IHO1: variants seen among roughly 807,000 people sequenced by gnomAD.
IHO1 encodes interactor of HORMAD1 protein 1.
In IHO1, 13 loss-of-function variants were observed where a neutral mutation model predicts 31.0. The ratio of observed to expected loss-of-function variants is 0.42; its 90% CI spans 0.27 to 0.67. The LOEUF is 0.67. Ranked by LOEUF, IHO1 falls within the 30% of genes least tolerant of loss-of-function variation. IHO1 has a pLI of 0.24. For missense variants in IHO1, 599 were observed against 687.5 expected (o/e 0.87, Z 1.44); for synonymous variants, 221 against 248.4 (o/e 0.89, Z 1.04).
intron 2 of IHO1, among the ~76,000 whole-genome samples, chr3:49,217,859 G>C (rs1362167348): frequency 1.3e-5 from 2 of 152,186 alleles, no homozygotes; most frequent in African/African-American, 4.8e-5. Flanking sequence ...ATCTAATACT[G>C]GTACTGATCT....
Position 49,211,884 on chromosome 3 carries a change from C to T in IHO1, c.56+48C>T, listed in dbSNP as rs150910340. ...CTGATCCTTAAGAGGATTTTCTGGCCGGGCATGATGGCTCACACCTGTAAT... is the reference window on the plus strand; with the variant it reads ...CTGATCCTTAAGAGGATTTTCTGGCTGGGCATGATGGCTCACACCTGTAAT... On this transcript the variant is annotated intron_variant, in intron 2 of 7. Coordinates refer to ENST00000452691, the MANE Select transcript of IHO1 (RefSeq NM_001135197.2). 893 of 1,109,592 alleles carry T rather than the reference C, an allele frequency of 8.0e-4. 5 individuals carry two copies. In the East Asian group the frequency reaches 0.012, roughly 15 times the overall value. 68.7% of individuals were successfully genotyped at this position (1,109,592 alleles called of 1,614,324 possible).
intron 1 of IHO1, among the ~76,000 whole-genome samples, chr3:49,211,090 C>T (rs112707814): frequency 0.055 from 8,260 of 150,240 alleles, 778 homozygotes; most frequent in African/African-American, 0.19. Flanking sequence ...TCACTGCAAG[C>T]TCCACCTCTT....
rs1201812288 is a variant in IHO1 at position 49,209,732 on chromosome 3, T to C, written c.-15-2034T>C. On this transcript the variant is annotated intron_variant, in intron 1 of 7. Transcript: ENST00000452691. ...AGCAAATGACATGTCTTTTTTTTTT[T>C]GAGAAGGAGTCTTGCACTGTCGCCC... is the stretch of plus-strand genomic sequence containing the variant. Among the ~76,000 whole-genome samples, 2 of 151,750 alleles carry C rather than the reference T, an allele frequency of 1.3e-5. 1 individual carries two copies. Among genetic ancestry groups the C allele is most frequent in the Admixed American group, 1.3e-4 (2 of 15,236 alleles).
chr3:49,214,607 C>CATATATATATATATATATATATAT (rs1311032715), intron 2 of IHO1, among the ~76,000 whole-genome samples: 1 of 24,788 alleles, frequency 4.0e-5, no homozygotes, highest in Non-Finnish European at 6.7e-5. Context: ...ATTTCTAGAT[C>CATATATATATATATATATATATAT]ATATATATAT....
Position 49,209,635 on chromosome 3 carries a change from A to G in IHO1, c.-15-2131A>G, listed in dbSNP as rs544274085. ...TGCGTGACAGAGTGGGACTTCATCT[A>G]AAAAAAAAAAAGGCTTGTATTTCTA... is the stretch of plus-strand genomic sequence containing the variant. On this transcript the variant is annotated intron_variant, in intron 1 of 7. Coordinates refer to ENST00000452691, the MANE Select transcript of IHO1 (RefSeq NM_001135197.2). Among the ~76,000 whole-genome samples, 6 of 142,496 alleles carry G rather than the reference A, an allele frequency of 4.2e-5. No homozygotes were observed. The South Asian group carries it at 1.3e-3, about 32-fold the overall frequency. The allele number at this position is 142,496 out of a possible 152,430, so 93.5% of individuals were successfully genotyped here. A position where few individuals can be genotyped will look rare whatever the true frequency, so the allele number is the denominator to read the frequency against.
chr3:49,251,137 T>G (rs528820516), intron 6 of IHO1, among the ~76,000 whole-genome samples: 1 of 151,572 alleles, frequency 6.6e-6, no homozygotes, highest in African/African-American at 2.4e-5. Flanking sequence ...TTGGTTTGTT[T>G]TGAGACAGAG....
Position 49,257,319 on chromosome 3 carries a change from G to A in IHO1, c.*37G>A. The A allele has an allele frequency of 6.3e-7, 1 of 1,580,284 alleles. No individual in the cohort carries two copies. Among genetic ancestry groups the A allele is most frequent in the South Asian group, 1.2e-5 (1 of 86,034 alleles). On this transcript the variant is annotated 3_prime_UTR_variant, in exon 8 of 8. Transcript: ENST00000452691. ...TTGATTTATTGGTCTCAGCTAGAAA[G>A]AGAAATTGCAGGACATTTGGGCTGG...
At chr3:49,245,552 A>AT (rs1273784022) in intron 6 of IHO1, 3 of 152,262 alleles carry the variant, frequency 2.0e-5, no homozygotes, top group African/African-American at 7.2e-5. Flanking sequence ...AGTGGTTTAC[A>AT]TTTAGATGAA....
At chr3:49,237,119 G>T (rs1055786926) in intron 3 of IHO1, among the ~76,000 whole-genome samples, 1 of 151,918 alleles carries the variant, frequency 6.6e-6, no homozygotes, top group Non-Finnish European at 1.5e-5. Context: ...GGAGGCCGAG[G>T]CAGGTGGATC....
chr3:49,255,614 A>G, intron 7 of IHO1, 121 bp downstream of exon 7: 1 of 563,010 alleles, frequency 1.8e-6, no homozygotes, highest in Non-Finnish European at 2.9e-6. Flanking sequence ...CGGTGGTGCA[A>G]TCTCAGTTCA....
chr3:49,194,319 T>TATATATATATATATATATATATATA (rs1559432334), upstream of IHO1, among the ~76,000 whole-genome samples: 2 of 141,386 alleles, frequency 1.4e-5, no homozygotes, highest in South Asian at 2.2e-4. Flanking sequence ...TATATATATA[T>TATATATATATATATATATATATATA]TTGAGACGGA....
At chr3:49,200,439 T>TG (rs1290856583) in intron 1 of IHO1, 1 of 327,372 alleles carries the variant, frequency 3.1e-6, no homozygotes, top group Non-Finnish European at 4.0e-6. Context: ...CACTCCAGCC[T>TG]GGGCGACAGA....
intron 1 of IHO1, among the ~76,000 whole-genome samples, chr3:49,209,336 T>C (rs934735752): frequency 3.9e-5 from 6 of 152,190 alleles, no homozygotes; most frequent in African/African-American, 7.2e-5. Context: ...AAGGGCCTTT[T>C]AAATGCTTGC....
chr3:49,206,256 G>A (rs1004498595), intron 1 of IHO1, among the ~76,000 whole-genome samples: 5 of 143,030 alleles, frequency 3.5e-5, no homozygotes, highest in African/African-American at 1.1e-4. Context: ...GAGCCCCTGC[G>A]CCCAGCAATT....
chr3:49,224,296 G>C (rs2046391454), intron 2 of IHO1, among the ~76,000 whole-genome samples: 2 of 152,040 alleles, frequency 1.3e-5, no homozygotes, highest in South Asian at 4.1e-4. Flanking sequence ...GGTTCCACCT[G>C]GCAGCAATTT....
chr3:49,198,868 GCCT>G (rs2046019447), upstream of IHO1: 1 of 152,838 alleles, frequency 6.5e-6, no homozygotes, highest in African/African-American at 2.4e-5. Context: ...AAGATTTCTT[GCCT>G]CCTTTCTCTT....
intron 1 of IHO1, among the ~76,000 whole-genome samples, chr3:49,211,250 C>T (rs2046210913): frequency 6.6e-6 from 1 of 151,926 alleles, no homozygotes. Context: ...CCTAGTGATC[C>T]GCCCTCCTCG....
At chr3:49,223,978 C>T (rs1244886082) in intron 2 of IHO1, among the ~76,000 whole-genome samples, 1 of 152,188 alleles carries the variant, frequency 6.6e-6, no homozygotes, top group East Asian at 1.9e-4. Context: ...TCCTTTGGCA[C>T]ACCTCACAGG....
At chr3:49,197,440 C>A (rs1001903453), upstream of IHO1, among the ~76,000 whole-genome samples, 5 of 152,144 alleles carry the variant, frequency 3.3e-5, no homozygotes, top group Admixed American at 2.0e-4. Flanking sequence ...GGATTACAGG[C>A]ATGAGCTATG....
Sources: gnomAD v4.1 joint callset for allele counts (sites outside exome capture counted in the v4.1 genomes callset) on GRCh38, gnomAD v4.1.1 for gene constraint, MANE v1.5 for transcripts, NCBI Gene and HGNC (gene_info 2026-07-23, HGNC 2026-07-21) for gene names.